The following GRID2 variants were observed in gnomAD, a reference collection of about 807,000 sequenced individuals.
GRID2 encodes glutamate receptor ionotropic, delta-2.
GRID2 carries 33 observed loss-of-function variants against 114.8 expected under a neutral mutation model. That is an observed-to-expected ratio of 0.29 (90% CI 0.22 to 0.38). The LOEUF (loss-of-function observed/expected upper bound fraction) is 0.38, where lower values mean the gene tolerates loss of function less well. GRID2 is among the 10% of genes least tolerant of loss of function. GRID2 has a pLI of 1.00. For synonymous variants in GRID2, 505 were observed against 449.9 expected (o/e 1.12, Z -1.55); for missense variants, 1,184 against 1,257.7 (o/e 0.94, Z 0.89).
intron 2 of GRID2, among the ~76,000 whole-genome samples, chr4:92,716,815 A>C (rs974663036): frequency 2.0e-5 from 3 of 152,164 alleles, no homozygotes; most frequent in Non-Finnish European, 2.9e-5. Flanking sequence ...AATGTTTAAA[A>C]TCTGGGAGTC....
rs538681539 is a variant in GRID2, at chr4:92,961,811, A to G, written c.245-123184A>G. Among the ~76,000 whole-genome samples, 6 of 149,972 alleles carry G rather than the reference A, an allele frequency of 4.0e-5. No homozygotes were observed. In the South Asian group the frequency reaches 6.4e-4, roughly 16 times the overall value. On this transcript the variant is annotated intron_variant, in intron 2 of 15. Coordinates refer to ENST00000282020, the MANE Select transcript of GRID2 (RefSeq NM_001510.4). ...AGTCTCATTACATATATGTTACACT[A>G]TTTGCAGTTTTCTCACAATTCTTGG... is the stretch of plus-strand genomic sequence containing the variant.
intron 2 of GRID2, among the ~76,000 whole-genome samples, chr4:93,075,905 T>C (rs1421457787): frequency 7.0e-5 from 5 of 71,358 alleles, no homozygotes; most frequent in African/African-American, 2.0e-4. Flanking sequence ...TTTTTTTTTT[T>C]TTTTTTTTTT....
chr4:93,772,466 G>T lies in GRID2; in HGVS notation c.2992G>T (p.Gly998Cys). Residue 998 changes from glycine (G) to cysteine (C), a missense_variant, in exon 16 of 16, where the codon GGT becomes TGT. This residue lies in a region of GRID2 where 717 missense variants were observed against 796.9 expected (regional missense o/e 0.90). Transcript: ENST00000282020. ...AACTCCTACCCTGGGGCTCAATCTG[G>T]GTAATGATCCAGACCGAGGCACCTC... ...QPTPTLGLNLGNDPDRGTSI is the reference protein window; with the variant it reads ...QPTPTLGLNLCNDPDRGTSI 6.2e-7 allele frequency: 1 copy of T among 1,607,372 alleles called. No homozygotes were observed. The highest frequency in any genetic ancestry group is 8.5e-7 in the Non-Finnish European group (1 of 1,176,172).
At chr4:92,338,515 T>C (rs1727302730) in intron 1 of GRID2, among the ~76,000 whole-genome samples, 2 of 152,080 alleles carry the variant, frequency 1.3e-5, no homozygotes, top group South Asian at 2.1e-4. Flanking sequence ...GTGTTGAGAC[T>C]CTTACAATAT....
intron 13 of GRID2, among the ~76,000 whole-genome samples, chr4:93,550,145 G>A (rs988347051): frequency 3.3e-5 from 5 of 151,890 alleles, no homozygotes; most frequent in African/African-American, 1.2e-4. Flanking sequence ...CACTAGTCTG[G>A]TCACCTACCT....
intron 2 of GRID2, among the ~76,000 whole-genome samples, chr4:93,082,285 T>A (rs1729940058): frequency 6.6e-6 from 1 of 152,220 alleles, no homozygotes; most frequent in Admixed American, 6.5e-5. Flanking sequence ...TTTAGAGCTT[T>A]ATCTTTACTT....
intron 1 of GRID2, among the ~76,000 whole-genome samples, chr4:92,467,506 T>C (rs1318633154): frequency 6.6e-6 from 1 of 151,998 alleles, no homozygotes; most frequent in Non-Finnish European, 1.5e-5. Flanking sequence ...TTTATATTAT[T>C]TAAATTTTGC....
chr4:93,429,496 A>T (rs1485022), intron 10 of GRID2, among the ~76,000 whole-genome samples: 12,913 of 150,660 alleles, frequency 0.086, 730 homozygotes, highest in African/African-American at 0.17. Context: ...TATAAAGAAC[A>T]TGACTGGTCG....
intron 4 of GRID2, among the ~76,000 whole-genome samples, chr4:93,206,173 T>C (rs190827452): frequency 6.6e-6 from 1 of 152,168 alleles, no homozygotes; most frequent in Non-Finnish European, 1.5e-5. Flanking sequence ...CTCAATAAAG[T>C]CACAGGGAAC....
At chr4:92,785,192 T>G (rs951447880) in intron 2 of GRID2, among the ~76,000 whole-genome samples, 1 of 151,204 alleles carries the variant, frequency 6.6e-6, no homozygotes, top group African/African-American at 2.4e-5. Flanking sequence ...AAATACAGAT[T>G]GAGATTGTTT....
chr4:92,779,713 G>A (rs1337586370), intron 2 of GRID2, among the ~76,000 whole-genome samples: 1 of 152,040 alleles, frequency 6.6e-6, no homozygotes, highest in African/African-American at 2.4e-5. Context: ...CTTTTATAAT[G>A]AGTTTTCCAA....
intron 1 of GRID2, among the ~76,000 whole-genome samples, chr4:92,398,892 A>T (rs934404774): frequency 6.6e-6 from 1 of 152,238 alleles, no homozygotes; most frequent in Non-Finnish European, 1.5e-5. Flanking sequence ...GCTGCCTCAC[A>T]CTGTTAAACG....
intron 13 of GRID2, among the ~76,000 whole-genome samples, chr4:93,523,939 G>A (rs1053439622): frequency 3.9e-5 from 6 of 151,914 alleles, no homozygotes; most frequent in African/African-American, 7.3e-5. Flanking sequence ...CTTGCATGTC[G>A]GCCATATCCT....
Position 93,057,061 on chromosome 4 carries a change from G to A in GRID2, c.245-27934G>A, listed in dbSNP as rs1727314680. ...ATAAGCATGCAAATAAAAACAAGAA[G>A]GAATTAAAGGACATACAGCTCTATA... is the stretch of plus-strand genomic sequence containing the variant. On this transcript the variant is annotated intron_variant, in intron 2 of 15. Transcript: ENST00000282020. Among the ~76,000 whole-genome samples the A allele has an allele frequency of 2.0e-5, 3 of 151,694 alleles. No homozygotes were observed. In the Admixed American group the frequency reaches 2.0e-4, roughly 10 times the overall value.
At position 92,498,921 on chromosome 4, in the gene GRID2, A is replaced by G. The variant is rs556220166; in HGVS notation, c.89-91210A>G. On this transcript the variant is annotated intron_variant, in intron 1 of 15. Transcript: ENST00000282020. The stretch of plus-strand genomic sequence containing the variant: ...CATGTAGGAAATGAGACAAGAACTT[A>G]TTTAGGTAAAAAAAAAAAAAAAAAC... Among the ~76,000 whole-genome samples, 416 of 62,172 alleles carry G rather than the reference A, an allele frequency of 6.7e-3. 1 individual carries two copies. The highest frequency in any genetic ancestry group is 0.025 in the African/African-American group (379 of 15,102). The allele number at this position is 62,172 out of a possible 152,430, so 40.8% of individuals were successfully genotyped here.
At chr4:93,768,941 A>G (rs185549858) in intron 14 of GRID2, among the ~76,000 whole-genome samples, 1 of 151,940 alleles carries the variant, frequency 6.6e-6, no homozygotes, top group African/African-American at 2.4e-5. Context: ...AAACCAGAAG[A>G]AGAAGAATAG....
chr4:92,850,621 A>G (rs1286780195), intron 2 of GRID2, among the ~76,000 whole-genome samples: 1 of 151,872 alleles, frequency 6.6e-6, no homozygotes, highest in Non-Finnish European at 1.5e-5. Context: ...TTTTCCTCCT[A>G]AGGAGCTAGC....
intron 2 of GRID2, among the ~76,000 whole-genome samples, chr4:92,809,319 T>A (rs2149377723): frequency 1.3e-5 from 2 of 152,024 alleles, no homozygotes; most frequent in African/African-American, 2.4e-5. Flanking sequence ...GCATAAAAAA[T>A]TCTGAGGGAA....
At chr4:92,865,144 A>G (rs372766963) in intron 2 of GRID2, among the ~76,000 whole-genome samples, 16 of 152,296 alleles carry the variant, frequency 1.1e-4, no homozygotes, top group African/African-American at 3.8e-4. Context: ...TCCCCTTTGT[A>G]TATAATCCCT....
Sources: gnomAD v4.1 joint callset for allele counts (sites outside exome capture counted in the v4.1 genomes callset) on GRCh38, gnomAD v4.1.1 for gene constraint, gnomAD v4.1.1 regional missense constraint, MANE v1.5 for transcripts, NCBI Gene and HGNC (gene_info 2026-07-23, HGNC 2026-07-21) for gene names.